PLA2R1: variants seen among roughly 807,000 people sequenced by gnomAD.
PLA2R1 encodes the protein phospholipase A2 receptor 1, also known as secretory phospholipase A2 receptor.
PLA2R1 carries 158 observed loss-of-function variants against 195.9 expected under a neutral mutation model. The observed-to-expected ratio is 0.81, with a 90% CI of 0.71 to 0.92. The LOEUF (loss-of-function observed/expected upper bound fraction) is 0.92. PLA2R1 is among the 40% of genes least tolerant of loss of function. The pLI is 0.00. For synonymous variants in PLA2R1, 586 were observed against 598.2 expected (o/e 0.98, Z 0.30); for missense variants, 1,626 against 1,764.6 (o/e 0.92, Z 1.41).
Position 159,992,845 on chromosome 2 carries a change from G to C in PLA2R1, c.1835-5487C>G, listed in dbSNP as rs891384259. 3.3e-5 allele frequency among the ~76,000 whole-genome samples: 5 copies of C among 152,058 alleles called. No individual in the cohort carries two copies. In the East Asian group the frequency reaches 7.7e-4, roughly 23 times the overall value. On this transcript the variant is annotated intron_variant, in intron 11 of 29. Transcript: ENST00000283243. ...TTCTTTGTCACTTGCAGATTTCCAT[G>C]GGTTTGGAACAATTGGGTTGAACAT...
Position 160,022,805 on chromosome 2 carries a change from T to C in PLA2R1, c.1154A>G (p.Tyr385Cys). Reference sequence around the variant, plus strand: ...CTGAAGTTTGTAGCAATTACGATTGTAGGGATTCCAGCCAGGCTCACAGTG... The same window carrying C: ...CTGAAGTTTGTAGCAATTACGATTGCAGGGATTCCAGCCAGGCTCACAGTG... Reference protein sequence around the residue: ...ATHCEPGWNPYNRNCYKLQKE... With the variant: ...ATHCEPGWNPCNRNCYKLQKE... Residue 385 changes from tyrosine to cysteine, a missense_variant, in exon 7 of 30, where the codon TAC (tyrosine) becomes TGC (cysteine). By Grantham distance (194) the Tyr-to-Cys change is radical. Coordinates refer to ENST00000283243, the MANE Select transcript of PLA2R1 (RefSeq NM_007366.5). 3 of 1,613,678 alleles carry C rather than the reference T, an allele frequency of 1.9e-6. No homozygotes were observed. In the South Asian group the frequency reaches 3.3e-5, roughly 18 times the overall value.
At position 159,935,963 on chromosome 2, in the gene PLA2R1, TTTTTTTGAGA is replaced by T. The variant is rs1244289251; in HGVS notation, c.*5805_*5814del. On this transcript the variant is annotated 3_prime_UTR_variant, in exon 30 of 30. Coordinates refer to ENST00000283243, the MANE Select transcript of PLA2R1 (RefSeq NM_007366.5). ...TAAATTAATTTTTTTTTTTTTTTTT[TTTTTTTGAGA>T]GAGAGTCTCGCTCTGTCGCCCAGGC... 1.7e-5 allele frequency: 2 copies of T among 116,260 alleles called. No homozygotes were observed. Among genetic ancestry groups the T allele is most frequent in the Non-Finnish European group, 3.6e-5 (2 of 55,150 alleles). 7.2% of individuals were successfully genotyped at this position (116,260 alleles called of 1,614,324 possible).
intron 3 of PLA2R1, among the ~76,000 whole-genome samples, chr2:160,035,938 T>C (rs1388392991): frequency 3.3e-5 from 5 of 152,128 alleles, no homozygotes; most frequent in Non-Finnish European, 7.4e-5. Flanking sequence ...GCAGGCTGAG[T>C]TCCCTCTCCG....
chr2:159,931,413 G>A (rs1397886753), downstream of PLA2R1, among the ~76,000 whole-genome samples: 2 of 152,098 alleles, frequency 1.3e-5, no homozygotes, highest in Non-Finnish European at 1.5e-5. Context: ...ATGTGCCTGC[G>A]GGCCCAGCTA....
At chr2:160,024,326 C>A (rs1693358902) in intron 6 of PLA2R1, among the ~76,000 whole-genome samples, 1 of 152,156 alleles carries the variant, frequency 6.6e-6, no homozygotes, top group Admixed American at 6.5e-5. Flanking sequence ...CCTGGTGTGG[C>A]CAAGTTGCCA....
At chr2:159,947,308 TG>T in intron 26 of PLA2R1, 110 bp downstream of exon 26, 3 of 900,952 alleles carry the variant, frequency 3.3e-6, no homozygotes, top group South Asian at 3.6e-5. Context: ...GTTTAGTTTT[TG>T]TTGCTCCTAA....
intron 6 of PLA2R1, among the ~76,000 whole-genome samples, chr2:160,024,065 G>T (rs1446214842): frequency 6.6e-6 from 1 of 152,144 alleles, no homozygotes; most frequent in African/African-American, 2.4e-5. Context: ...CCATTTGAGG[G>T]AGCTGCCTGG....
chr2:159,962,195 A>G (rs1268862859), intron 20 of PLA2R1, among the ~76,000 whole-genome samples: 1 of 152,214 alleles, frequency 6.6e-6, no homozygotes, highest in Admixed American at 6.5e-5. Context: ...CAAGAAAAAA[A>G]CAAACAACCC....
downstream of PLA2R1, among the ~76,000 whole-genome samples, chr2:159,929,023 A>G (rs2125897078): frequency 6.6e-6 from 1 of 152,382 alleles, no homozygotes; most frequent in Admixed American, 6.5e-5. Flanking sequence ...AAGGACTTAC[A>G]TCTAAGACTT....
chr2:160,013,396 A>C (rs1201782097), intron 9 of PLA2R1, 21 bp from the exon 10 acceptor site: 2 of 1,348,104 alleles, frequency 1.5e-6, no homozygotes, highest in Non-Finnish European at 2.1e-6. Flanking sequence ...ATAAAAGGGA[A>C]ATTAAGGACA....
At chr2:159,931,494 A>G (rs1334648859), downstream of PLA2R1, among the ~76,000 whole-genome samples, 1 of 152,214 alleles carries the variant, frequency 6.6e-6, no homozygotes, top group Non-Finnish European at 1.5e-5. Flanking sequence ...TTATTGAGCA[A>G]GACAACTACA....
intron 8 of PLA2R1, among the ~76,000 whole-genome samples, chr2:160,018,205 A>C (rs1364928555): frequency 6.6e-6 from 1 of 151,684 alleles, no homozygotes; most frequent in African/African-American, 2.4e-5. Flanking sequence ...ACCTATCATC[A>C]ATCTCTTAAA....
chr2:160,020,294 G>A (rs370509283), intron 7 of PLA2R1, 31 bp from the exon 8 acceptor site: 5 of 1,551,206 alleles, frequency 3.2e-6, no homozygotes, highest in Non-Finnish European at 2.6e-6. Context: ...TTACTTATGG[G>A]ATCCTATTAT....
chr2:159,976,122 A>G lies in PLA2R1; in HGVS notation c.2541T>C (p.Leu847=), dbSNP rs768625303. ...EFVCSWLHSD[L]LTIHSAHEQE... is the part of the protein sequence containing the mutation. The stretch of plus-strand genomic sequence containing the variant: ...GCTCATGTGCAGAATGAATTGTGAG[A>G]AGATCACTGTGCAGCCAGCTACAGA... The change falls in exon 17 of 30, where the codon CTT becomes CTC. Residue 847 remains leucine, a synonymous_variant. Coordinates refer to ENST00000283243, the MANE Select transcript of PLA2R1 (RefSeq NM_007366.5). 1 of 1,613,194 alleles carries G rather than the reference A, an allele frequency of 6.2e-7. No individual in the cohort carries two copies. Among genetic ancestry groups the G allele is most frequent in the African/African-American group, 1.3e-5 (1 of 75,028 alleles).
intron 11 of PLA2R1, among the ~76,000 whole-genome samples, chr2:159,992,981 G>C (rs867320505): frequency 6.6e-6 from 1 of 152,114 alleles, no homozygotes; most frequent in African/African-American, 2.4e-5. Context: ...GTGATTGAAA[G>C]TGTTTATTTT....
chr2:159,980,460 G>A (rs1191553817), intron 13 of PLA2R1, among the ~76,000 whole-genome samples: 1 of 152,116 alleles, frequency 6.6e-6, no homozygotes, highest in East Asian at 1.9e-4. Context: ...TTGATTTGTT[G>A]TTCTTTTGTT....
At chr2:159,995,376 T>G (rs535136493) in intron 11 of PLA2R1, among the ~76,000 whole-genome samples, 74 of 152,218 alleles carry the variant, frequency 4.9e-4, no homozygotes, top group African/African-American at 1.7e-3. Flanking sequence ...TCTGCTTCAA[T>G]TCCAGATTTT....
At chr2:159,946,961 T>A in intron 26 of PLA2R1, 44 bp from the exon 27 acceptor site, 1 of 1,180,062 alleles carries the variant, frequency 8.5e-7, no homozygotes, top group Non-Finnish European at 1.2e-6. Flanking sequence ...TGTTTACACA[T>A]AAATATACTT....
At position 159,968,219 on chromosome 2, in the gene PLA2R1, G is replaced by A. The variant is rs888902938; in HGVS notation, c.2765-541C>T. ...AAATATCCTCAAATCCTTAGCCTCCGACAAACTAACTGCTTTTTTTTTTTT... is the reference window on the plus strand; with the variant it reads ...AAATATCCTCAAATCCTTAGCCTCCAACAAACTAACTGCTTTTTTTTTTTT... On this transcript the variant is annotated intron_variant, in intron 19 of 29. Transcript: ENST00000283243. 7.4e-5 allele frequency among the ~76,000 whole-genome samples: 11 copies of A among 149,314 alleles called. No homozygotes were observed. In the East Asian group the frequency reaches 1.6e-3, roughly 21 times the overall value.
Sources: allele counts gnomAD v4.1 joint callset (sites outside exome capture counted in the v4.1 genomes callset), GRCh38; gene constraint gnomAD v4.1.1; transcripts MANE v1.5; gene names NCBI Gene and HGNC (gene_info 2026-07-23, HGNC 2026-07-21).